The following ST6GALNAC3 variants were observed in gnomAD, a reference collection of about 807,000 sequenced individuals.
The protein encoded by ST6GALNAC3 is alpha-N-acetylgalactosaminide alpha-2,6-sialyltransferase 3.
Under a neutral mutation model 32.7 loss-of-function variants are expected in ST6GALNAC3, and 25 were observed. That is an observed-to-expected ratio of 0.76 (90% CI 0.56 to 1.07). The LOEUF (loss-of-function observed/expected upper bound fraction) is 1.07, where lower values mean the gene tolerates loss of function less well. Ranked by LOEUF, ST6GALNAC3 falls within the 50% of genes least tolerant of loss-of-function variation. The pLI is 0.00. For synonymous variants in ST6GALNAC3, 129 were observed against 133.1 expected (o/e 0.97, Z 0.21); for missense variants, 355 against 382.4 (o/e 0.93, Z 0.60).
intron 1 of ST6GALNAC3, among the ~76,000 whole-genome samples, chr1:76,246,317 T>C (rs564466959): frequency 6.6e-6 from 1 of 152,300 alleles, no homozygotes; most frequent in Admixed American, 6.5e-5. Flanking sequence ...GCACGTAAGA[T>C]TGGTCTTCTG....
At chr1:76,414,977 A>C (rs1027557758) in intron 3 of ST6GALNAC3, among the ~76,000 whole-genome samples, 37 of 151,976 alleles carry the variant, frequency 2.4e-4, no homozygotes, top group Middle Eastern at 3.4e-3. Flanking sequence ...TGTGTCTTAT[A>C]TTTCTCCTAA....
In ST6GALNAC3 at chr1:76,632,713, C is replaced by T. The variant is rs1649360343; in HGVS notation, c.*3907C>T. 6.6e-6 allele frequency: 1 copy of T among 152,030 alleles called. No homozygotes were observed. The highest frequency in any genetic ancestry group is 1.5e-5 in the Non-Finnish European group (1 of 68,004). The allele number at this position is 152,030 out of a possible 1,614,324, so 9.4% of individuals were successfully genotyped here. A position where few individuals can be genotyped will look rare whatever the true frequency, so the allele number is the denominator to read the frequency against. ...TTAGAGAAGAGACAACACTAAAGTA[C>T]TTCACCTGGTAGTGTTAATTGGATG... On this transcript the variant is annotated 3_prime_UTR_variant, in exon 5 of 5. Transcript: ENST00000328299.
At chr1:76,421,751 A>G (rs985772695) in intron 3 of ST6GALNAC3, among the ~76,000 whole-genome samples, 1 of 152,060 alleles carries the variant, frequency 6.6e-6, no homozygotes, top group Non-Finnish European at 1.5e-5. Flanking sequence ...GTGTCTTTCA[A>G]CCAACTGCAT....
At chr1:76,597,469 A>T (rs1041168510) in intron 3 of ST6GALNAC3, among the ~76,000 whole-genome samples, 1 of 151,854 alleles carries the variant, frequency 6.6e-6, no homozygotes, top group African/African-American at 2.4e-5. Flanking sequence ...TGAAATCCTA[A>T]CCCCCAAGGT....
chr1:76,518,307 A>G (rs1477674307), intron 3 of ST6GALNAC3, among the ~76,000 whole-genome samples: 2 of 152,140 alleles, frequency 1.3e-5, no homozygotes, highest in East Asian at 3.9e-4. Context: ...TGTCATTTTC[A>G]TGTAATTATG....
chr1:76,493,886 C>A (rs1179730941), intron 3 of ST6GALNAC3, among the ~76,000 whole-genome samples: 1 of 152,100 alleles, frequency 6.6e-6, no homozygotes, highest in Non-Finnish European at 1.5e-5. Flanking sequence ...AGGGCCATTT[C>A]CTCAGGGGAT....
At chr1:76,378,307 T>C (rs1234281738) in intron 2 of ST6GALNAC3, among the ~76,000 whole-genome samples, 1 of 152,206 alleles carries the variant, frequency 6.6e-6, no homozygotes, top group Non-Finnish European at 1.5e-5. Flanking sequence ...GATCTTTGGA[T>C]AGAATTTTTT....
At chr1:76,405,212 G>A (rs1379899573) in intron 2 of ST6GALNAC3, among the ~76,000 whole-genome samples, 1 of 151,984 alleles carries the variant, frequency 6.6e-6, no homozygotes, top group Non-Finnish European at 1.5e-5. Flanking sequence ...GTTTTCCATA[G>A]AGCCACCTTA....
At chr1:76,546,948 G>A (rs769818214) in intron 3 of ST6GALNAC3, among the ~76,000 whole-genome samples, 4 of 152,244 alleles carry the variant, frequency 2.6e-5, no homozygotes, top group Admixed American at 6.5e-5. Context: ...GAGGAAGGAT[G>A]CGGATGAAAG....
At position 76,125,501 on chromosome 1, in the gene ST6GALNAC3, C is replaced by T. The variant is rs539590417; in HGVS notation, c.18+50617C>T. 1.2e-4 allele frequency among the ~76,000 whole-genome samples: 19 copies of T among 152,342 alleles called. No individual in the cohort carries two copies. The East Asian group carries it at 3.5e-3, about 28-fold the overall frequency. On this transcript the variant is annotated intron_variant, in intron 1 of 4. Coordinates refer to ENST00000328299, the MANE Select transcript of ST6GALNAC3 (RefSeq NM_152996.4). The stretch of plus-strand genomic sequence containing the variant: ...CACCTCTCTCCCCTCTGCTCCTCTT[C>T]CCTGGTTTGGGACTCAGATTCACAT...
At chr1:76,206,022 T>C (rs1211369625) in intron 1 of ST6GALNAC3, among the ~76,000 whole-genome samples, 1 of 152,214 alleles carries the variant, frequency 6.6e-6, no homozygotes, top group South Asian at 2.1e-4. Context: ...TTTCTTGAGC[T>C]CTTTTCATAT....
chr1:76,439,745 G>A (rs1308469350), intron 3 of ST6GALNAC3, among the ~76,000 whole-genome samples: 1 of 152,180 alleles, frequency 6.6e-6, no homozygotes, highest in East Asian at 1.9e-4. Context: ...AGGACTGAAG[G>A]GCAAATGAGA....
intron 1 of ST6GALNAC3, among the ~76,000 whole-genome samples, chr1:76,266,710 A>G (rs2100743599): frequency 6.6e-6 from 1 of 152,152 alleles, no homozygotes; most frequent in East Asian, 1.9e-4. Context: ...CTAAGCTTCC[A>G]CTTGCCACCC....
chr1:76,444,531 T>C (rs1409114601), intron 3 of ST6GALNAC3, among the ~76,000 whole-genome samples: 1 of 152,228 alleles, frequency 6.6e-6, no homozygotes, highest in Non-Finnish European at 1.5e-5. Context: ...AATGAGAAAC[T>C]AACTGGCCAA....
chr1:76,495,223 A>G (rs746021765), intron 3 of ST6GALNAC3, among the ~76,000 whole-genome samples: 1 of 152,310 alleles, frequency 6.6e-6, no homozygotes, highest in Non-Finnish European at 1.5e-5. Context: ...CGTAACATGT[A>G]CATACTGTGT....
chr1:76,362,192 G>A (rs1237854959), intron 2 of ST6GALNAC3, among the ~76,000 whole-genome samples: 6 of 152,020 alleles, frequency 3.9e-5, no homozygotes, highest in Admixed American at 3.3e-4. Flanking sequence ...AAGAAGAGAG[G>A]CGGAAGTGCT....
At chr1:76,402,587 C>T (rs1265684075) in intron 2 of ST6GALNAC3, among the ~76,000 whole-genome samples, 1 of 152,160 alleles carries the variant, frequency 6.6e-6, no homozygotes, top group East Asian at 1.9e-4. Flanking sequence ...ACAGTAGCTT[C>T]ATCACATATC....
chr1:76,295,801 C>T (rs1016656778), intron 1 of ST6GALNAC3, among the ~76,000 whole-genome samples: 1 of 151,996 alleles, frequency 6.6e-6, no homozygotes, highest in African/African-American at 2.4e-5. Context: ...GAAGATAAGA[C>T]TTATTTTAAC....
At chr1:76,278,205 T>TCCACTTGATCTTAGCCAAAAGGC (rs1553172671) in intron 1 of ST6GALNAC3, among the ~76,000 whole-genome samples, 7 of 144,266 alleles carry the variant, frequency 4.9e-5, no homozygotes, top group East Asian at 2.1e-4. Flanking sequence ...TCATGTATTC[T>TCCACTTGATCTTAGCCAAAAGGC]CATTATTGCT....
Sources: allele counts gnomAD v4.1 joint callset (sites outside exome capture counted in the v4.1 genomes callset), GRCh38; gene constraint gnomAD v4.1.1; transcripts MANE v1.5; gene names NCBI Gene and HGNC (gene_info 2026-07-23, HGNC 2026-07-21).